The following SELENOI variants were observed in gnomAD, a reference collection of about 807,000 sequenced individuals.
SELENOI encodes the protein ethanolaminephosphotransferase 1.
Under a neutral mutation model 50.7 loss-of-function variants are expected in SELENOI, and 24 were observed. The observed-to-expected ratio is 0.47, with a 90% CI of 0.34 to 0.67. SELENOI has a LOEUF of 0.67. SELENOI is among the 30% of genes least tolerant of loss of function. The probability of loss-of-function intolerance (pLI) is 0.01; values close to 1 mark genes in which losing one functional copy is unlikely to be tolerated. For synonymous variants in SELENOI, 155 were observed against 170.2 expected (o/e 0.91, Z 0.70); for missense variants, 352 against 461.4 (o/e 0.76, Z 2.17).
intron 8 of SELENOI, among the ~76,000 whole-genome samples, chr2:26,386,047 A>G (rs1033094718): frequency 6.6e-6 from 1 of 151,998 alleles, no homozygotes; most frequent in Non-Finnish European, 1.5e-5. Flanking sequence ...ATATCGTAGA[A>G]TCTTAAAATT....
chr2:26,385,055 G>C lies in SELENOI; in HGVS notation c.828G>C (p.Trp276Cys). ...PCLLFILSTA[W>C]ILWSPSDILE... Reference sequence around the variant, plus strand: ...TGCTGTTCATTTTGTCTACAGCGTGGATCCTTTGGTCACCTTCAGATATTT... The same window carrying C: ...TGCTGTTCATTTTGTCTACAGCGTGCATCCTTTGGTCACCTTCAGATATTT... The change falls in exon 8 of 10, where the codon TGG becomes TGC. Residue 276 changes from tryptophan (W) to cysteine (C), a missense_variant. Coordinates refer to ENST00000260585, the MANE Select transcript of SELENOI (RefSeq NM_033505.4). 6.2e-7 allele frequency: 1 copy of C among 1,612,914 alleles called. No individual in the cohort carries two copies. Among genetic ancestry groups the C allele is most frequent in the Non-Finnish European group, 8.5e-7 (1 of 1,179,378 alleles).
At chr2:26,365,795 CT>C (rs55900237) in intron 3 of SELENOI, among the ~76,000 whole-genome samples, 1,154 of 108,194 alleles carry the variant, frequency 0.011, 10 homozygotes, top group South Asian at 0.046. Flanking sequence ...ACACTTAAGA[CT>C]TTTTTTTTTT....
In SELENOI at chr2:26,364,824, A is replaced by T. The variant is rs1291791001; in HGVS notation, c.127-8A>T. 6.3e-7 allele frequency: 1 copy of T among 1,596,194 alleles called. No individual in the cohort carries two copies. The highest frequency in any genetic ancestry group is 1.4e-5 in the African/African-American group (1 of 74,064). ...TTTAATTATTTTATAATTATTTTGC[A>T]AAAATAGGTATTTCCTACTTGGCTG... is the stretch of plus-strand genomic sequence containing the variant. On this transcript the variant is annotated splice_polypyrimidine_tract_variant and splice_region_variant and intron_variant, in intron 2 of 9. Transcript: ENST00000260585.
rs572735578 is a variant in SELENOI, at chr2:26,374,714, A to G, written c.574-326A>G. Among the ~76,000 whole-genome samples, 29 of 152,002 alleles carry G rather than the reference A, an allele frequency of 1.9e-4. 1 individual carries two copies. In the South Asian group the frequency reaches 5.0e-3, roughly 26 times the overall value. ...CTCCCAAGTAGCTGGGATTACAGGC[A>G]TGCGCCACCACGCCTGGCTAATTTT... On this transcript the variant is annotated intron_variant, in intron 5 of 9. Coordinates refer to ENST00000260585, the MANE Select transcript of SELENOI (RefSeq NM_033505.4).
intron 1 of SELENOI, among the ~76,000 whole-genome samples, chr2:26,360,573 A>G (rs1207064530): frequency 1.3e-5 from 2 of 152,242 alleles, no homozygotes; most frequent in Non-Finnish European, 2.9e-5. Context: ...AGAACATTGC[A>G]CAGTTACTTT....
intron 1 of SELENOI, chr2:26,346,923 T>TAA (rs1676791853): frequency 6.6e-6 from 1 of 152,258 alleles, no homozygotes; most frequent in South Asian, 2.1e-4. Flanking sequence ...CACGTCATTT[T>TAA]AACCCCGCTC....
rs1294999007 is a variant in SELENOI at position 26,395,586 on chromosome 2, T to C, written c.*6483T>C. Reference sequence around the variant, plus strand: ...AGCTTCATGGCTTGCTTAAATTACTTAGCTGGAATATTTTAAAGTGTCAGA... The same window carrying C: ...AGCTTCATGGCTTGCTTAAATTACTCAGCTGGAATATTTTAAAGTGTCAGA... On this transcript the variant is annotated 3_prime_UTR_variant, in exon 10 of 10. Transcript: ENST00000260585. 1 of 152,618 alleles carries C rather than the reference T, an allele frequency of 6.6e-6. No homozygotes were observed. The highest frequency in any genetic ancestry group is 1.5e-5 in the Non-Finnish European group (1 of 68,034). The allele number at this position is 152,618 out of a possible 1,614,324, so 9.5% of individuals were successfully genotyped here. A position where few individuals can be genotyped will look rare whatever the true frequency, so the allele number is the denominator to read the frequency against.
At chr2:26,364,576 AT>A (rs1677248116) in intron 2 of SELENOI, among the ~76,000 whole-genome samples, 1 of 152,154 alleles carries the variant, frequency 6.6e-6, no homozygotes. Flanking sequence ...CTTTTGTAAA[AT>A]CCCTTTTAAA....
intron 1 of SELENOI, among the ~76,000 whole-genome samples, chr2:26,354,854 C>T (rs1263497145): frequency 6.6e-6 from 1 of 152,166 alleles, no homozygotes; most frequent in Non-Finnish European, 1.5e-5. Flanking sequence ...TAGGGGCAAG[C>T]GGGCCTGAAT....
chr2:26,370,918 C>T (rs1296439633), intron 4 of SELENOI, among the ~76,000 whole-genome samples: 8 of 93,178 alleles, frequency 8.6e-5, no homozygotes, highest in African/African-American at 1.1e-4. Context: ...GGCGGCTGGC[C>T]GGGCGGGGGG....
In SELENOI at chr2:26,354,634, G is replaced by A. The variant is rs529259623; in HGVS notation, c.57+8345G>A. On this transcript the variant is annotated intron_variant, in intron 1 of 9. Coordinates refer to ENST00000260585, the MANE Select transcript of SELENOI (RefSeq NM_033505.4). ...TCTTGATCTCCTGACTTCATGATTC[G>A]CCCGCCTTGGCCTTCCAAAGTGCTG... 7.2e-5 allele frequency among the ~76,000 whole-genome samples: 11 copies of A among 151,766 alleles called. No individual in the cohort carries two copies. In the South Asian group the frequency reaches 1.0e-3, roughly 14 times the overall value.
intron 1 of SELENOI, among the ~76,000 whole-genome samples, chr2:26,358,105 T>C (rs1302641361): frequency 6.6e-6 from 1 of 152,138 alleles, no homozygotes; most frequent in East Asian, 1.9e-4. Flanking sequence ...TTTTTCTTTA[T>C]AAATTACCCA....
intron 1 of SELENOI, among the ~76,000 whole-genome samples, chr2:26,350,519 A>G (rs761621288): frequency 2.6e-5 from 4 of 152,166 alleles, no homozygotes; most frequent in Non-Finnish European, 4.4e-5. Flanking sequence ...GTGCCTGGCC[A>G]TCATACAGTT....
At position 26,356,512 on chromosome 2, in the gene SELENOI, G is replaced by A. The variant is rs1677067649; in HGVS notation, c.58-7790G>A. 2.0e-5 allele frequency among the ~76,000 whole-genome samples: 3 copies of A among 152,238 alleles called. No individual in the cohort carries two copies. In the South Asian group the frequency reaches 6.2e-4, roughly 32 times the overall value. Reference sequence around the variant, plus strand: ...TTTTCATAGTTTTCCTTATGTTAGAGCCAATTTCCTTCTTAAATTAAGGGG... The same window carrying A: ...TTTTCATAGTTTTCCTTATGTTAGAACCAATTTCCTTCTTAAATTAAGGGG... On this transcript the variant is annotated intron_variant, in intron 1 of 9. Transcript: ENST00000260585.
At chr2:26,369,269 A>G (rs1306942810) in intron 4 of SELENOI, among the ~76,000 whole-genome samples, 1 of 152,116 alleles carries the variant, frequency 6.6e-6, no homozygotes, top group African/African-American at 2.4e-5. Flanking sequence ...TCTCATGTTT[A>G]TATCTAGCCC....
chr2:26,370,923 G>A (rs1272119444), intron 4 of SELENOI, among the ~76,000 whole-genome samples: 4 of 93,582 alleles, frequency 4.3e-5, no homozygotes, highest in African/African-American at 3.6e-5. Context: ...CTGGCCGGGC[G>A]GGGGGCTGAC....
At chr2:26,346,593 C>G (rs1676774336) in intron 1 of SELENOI, 1 of 245,484 alleles carries the variant, frequency 4.1e-6, no homozygotes, top group African/African-American at 2.3e-5. Context: ...CGTAAGCCCC[C>G]GAAAGGATGG....
chr2:26,348,676 A>T (rs1359764479), intron 1 of SELENOI, among the ~76,000 whole-genome samples: 2 of 148,642 alleles, frequency 1.3e-5, no homozygotes, highest in African/African-American at 2.5e-5. Flanking sequence ...TTAAGAGGGC[A>T]GGCCCTATGG....
At chr2:26,361,648 T>C (rs1255179576) in intron 1 of SELENOI, among the ~76,000 whole-genome samples, 1 of 151,694 alleles carries the variant, frequency 6.6e-6, no homozygotes, top group Admixed American at 6.6e-5. Flanking sequence ...ACATTGTCCA[T>C]CATCATTTCT....
Sources: gnomAD v4.1 joint callset for allele counts (sites outside exome capture counted in the v4.1 genomes callset) on GRCh38, gnomAD v4.1.1 for gene constraint, MANE v1.5 for transcripts, NCBI Gene and HGNC (gene_info 2026-07-23, HGNC 2026-07-21) for gene names.